The following THAP4 variants were observed in gnomAD, a reference collection of about 807,000 sequenced individuals.
THAP4 encodes the protein peroxynitrite isomerase THAP4.
Under a neutral mutation model 48.1 loss-of-function variants are expected in THAP4, and 18 were observed. The ratio of observed to expected loss-of-function variants is 0.37; its 90% confidence interval spans 0.26 to 0.56. THAP4 has a LOEUF of 0.56. THAP4 is among the 20% of genes least tolerant of loss of function. The pLI is 0.78. For missense variants in THAP4, 656 were observed against 774.9 expected (o/e 0.85, Z 1.82); for synonymous variants, 345 against 324.9 (o/e 1.06, Z -0.66).
At chr2:241,623,698 G>T (rs894487786) in intron 2 of THAP4, among the ~76,000 whole-genome samples, 1 of 151,708 alleles carries the variant, frequency 6.6e-6, no homozygotes, top group African/African-American at 2.4e-5. Context: ...GCTTAATAGA[G>T]CAGTATCATA....
intron 2 of THAP4, among the ~76,000 whole-genome samples, chr2:241,609,509 C>A (rs778739886): frequency 1.3e-5 from 2 of 152,142 alleles, no homozygotes; most frequent in South Asian, 2.1e-4. Flanking sequence ...TTGGGCCGGG[C>A]GCAATGGCTC....
At position 241,610,474 on chromosome 2, in the gene THAP4, G is replaced by A. The variant is rs1049807282; in HGVS notation, c.1241-4001C>T. Among the ~76,000 whole-genome samples, 31 of 152,216 alleles carry A rather than the reference G, an allele frequency of 2.0e-4. No individual in the cohort carries two copies. Among genetic ancestry groups the A allele is most frequent in the African/African-American group, 7.5e-4 (31 of 41,466 alleles). On this transcript the variant is annotated intron_variant, in intron 2 of 5. Coordinates refer to ENST00000407315, the MANE Select transcript of THAP4 (RefSeq NM_015963.6). The surrounding 1 kb of genome is among the most constrained non-coding windows in gnomAD (Gnocchi z 4.2). Reference sequence around the variant, plus strand: ...CGCTCACTGGCTGCCACCTCACCTAGCAGGCGTCACAGGGCTCACTCAAGA... The same window carrying A: ...CGCTCACTGGCTGCCACCTCACCTAACAGGCGTCACAGGGCTCACTCAAGA...
At chr2:241,622,234 G>A (rs1346391745) in intron 2 of THAP4, among the ~76,000 whole-genome samples, 3 of 152,092 alleles carry the variant, frequency 2.0e-5, no homozygotes, top group East Asian at 1.9e-4. Context: ...GGCTGGTGGC[G>A]GGCGCCTGTG....
intron 5 of THAP4, among the ~76,000 whole-genome samples, chr2:241,586,311 GAAGGGTCCCATCCCAGGAGT>G (rs922386772): frequency 2.7e-5 from 4 of 148,750 alleles, no homozygotes; most frequent in African/African-American, 7.4e-5. Context: ...TGGGGTCCCT[GAAGGGTCCCATCCCAGGAGT>G]AAGAGTTAAC....
intron 2 of THAP4, among the ~76,000 whole-genome samples, chr2:241,609,942 C>G (rs1230599334): frequency 3.3e-5 from 5 of 152,240 alleles, no homozygotes; most frequent in African/African-American, 1.2e-4. Flanking sequence ...TGCATGGGAG[C>G]TGAACCCTGT....
intron 2 of THAP4, among the ~76,000 whole-genome samples, chr2:241,608,934 G>A (rs1210529700): frequency 1.3e-5 from 2 of 152,212 alleles, no homozygotes; most frequent in Non-Finnish European, 2.9e-5. Context: ...AGAGACGGAG[G>A]TCCTGGGTAC....
chr2:241,636,912 G>A (rs749192954), intron 1 of THAP4, 29 bp downstream of exon 1: 1 of 1,208,776 alleles, frequency 8.3e-7, no homozygotes, highest in Non-Finnish European at 1.1e-6. Context: ...GGGTCGGGGC[G>A]GGGGCGTGGC....
rs1453385863 is a variant in THAP4 at position 241,610,412 on chromosome 2, T to C, written c.1241-3939A>G. On this transcript the variant is annotated intron_variant, in intron 2 of 5. Coordinates refer to ENST00000407315, the MANE Select transcript of THAP4 (RefSeq NM_015963.6). This position sits in a 1 kb window ranked among gnomAD's most constrained non-coding sequence, Gnocchi z 4.2. ...CCCTGTTTGGGGAGCGGCAGAGGAG[T>C]CAGGGCGGAGGCTGGGCGGCGCTGG... Among the ~76,000 whole-genome samples, 6 of 151,566 alleles carry C rather than the reference T, an allele frequency of 4.0e-5. No individual in the cohort carries two copies. Among genetic ancestry groups the C allele is most frequent in the Admixed American group, 1.3e-4 (2 of 15,246 alleles).
rs1159155878 is a variant in THAP4 at position 241,633,288 on chromosome 2, G to T, written c.869C>A (p.Thr290Asn). Reference sequence around the variant, plus strand: ...CTGGGAAGGCTTCTGCGGTGTCGCGGTAAGTGATGAGCTGGGAGGGCTCTG... The same window carrying T: ...CTGGGAAGGCTTCTGCGGTGTCGCGTTAAGTGATGAGCTGGGAGGGCTCTG... ...LAQSPPSSSL[T>N]ATPQKPSQSP... is the part of the protein sequence containing the mutation. The change falls in exon 2 of 6, where the codon ACC (threonine) becomes AAC (asparagine). Residue 290 changes from threonine to asparagine, a missense_variant. Around this residue, in one of 4 missense-constraint regions of THAP4, gnomAD observed 391 missense variants for 412.4 expected, o/e 0.95. Transcript: ENST00000407315. This position sits in a 1 kb window ranked among gnomAD's most constrained non-coding sequence, Gnocchi z 7.5. 2.5e-6 allele frequency: 4 copies of T among 1,611,956 alleles called. No individual in the cohort carries two copies. In the Admixed American group the frequency reaches 5.0e-5, roughly 20 times the overall value.
chr2:241,631,831 T>G (rs1315202519), intron 2 of THAP4, among the ~76,000 whole-genome samples: 3 of 152,270 alleles, frequency 2.0e-5, no homozygotes, highest in Non-Finnish European at 4.4e-5. Context: ...CAATAATTTT[T>G]TTACCACTTC....
chr2:241,628,331 C>T (rs955129886), intron 2 of THAP4, among the ~76,000 whole-genome samples: 1 of 151,882 alleles, frequency 6.6e-6, no homozygotes, highest in Non-Finnish European at 1.5e-5. Flanking sequence ...CCCTCCACCC[C>T]CACACTCACA....
In THAP4 at chr2:241,584,593, A is replaced by G. The variant is rs772653229; in HGVS notation, c.*13T>C. The G allele has an allele frequency of 1.2e-6, 2 of 1,613,900 alleles. No homozygotes were observed. The highest frequency in any genetic ancestry group is 1.7e-6 in the Non-Finnish European group (2 of 1,179,984). On this transcript the variant is annotated 3_prime_UTR_variant, in exon 6 of 6. Coordinates refer to ENST00000407315, the MANE Select transcript of THAP4 (RefSeq NM_015963.6). ...GTAGCCAGGCCCTCCCGAGGGCTCC[A>G]GAAGCTCTAGGTTTACGGGGTCACC... is the stretch of plus-strand genomic sequence containing the variant.
chr2:241,637,293 AC>A (rs899934861), upstream of THAP4: 9 of 1,128,256 alleles, frequency 8.0e-6, no homozygotes, highest in African/African-American at 1.5e-4. Flanking sequence ...AGGCGGGCAG[AC>A]GGGCGGGGGA....
intron 2 of THAP4, among the ~76,000 whole-genome samples, chr2:241,619,671 G>C (rs749118643): frequency 6.6e-6 from 1 of 152,222 alleles, no homozygotes; most frequent in African/African-American, 2.4e-5. Context: ...TGGTGAGTAA[G>C]TTGGTAAGTG....
At chr2:241,594,658 C>T (rs1055688611) in intron 5 of THAP4, 3 of 249,692 alleles carry the variant, frequency 1.2e-5, no homozygotes, top group Non-Finnish European at 2.4e-5. Flanking sequence ...CTTGGGAGGG[C>T]GAGGTGGGAG....
At chr2:241,597,106 G>C (rs966109896) in intron 5 of THAP4, among the ~76,000 whole-genome samples, 1 of 152,236 alleles carries the variant, frequency 6.6e-6, no homozygotes, top group African/African-American at 2.4e-5. Flanking sequence ...ATCATAAGTG[G>C]GGTCTGTCAG....
intron 2 of THAP4, among the ~76,000 whole-genome samples, chr2:241,618,849 T>C (rs184155563): frequency 6.6e-6 from 1 of 151,722 alleles, no homozygotes; most frequent in Non-Finnish European, 1.5e-5. Flanking sequence ...ACCTCATGTC[T>C]CTGGGATGAG....
At chr2:241,592,784 G>T (rs557566492) in intron 5 of THAP4, among the ~76,000 whole-genome samples, 1 of 152,184 alleles carries the variant, frequency 6.6e-6, no homozygotes, top group East Asian at 1.9e-4. Context: ...CGCTATGGCC[G>T]GCAGCATCAA....
intron 2 of THAP4, among the ~76,000 whole-genome samples, chr2:241,622,573 A>G (rs546612737): frequency 6.6e-6 from 1 of 152,130 alleles, no homozygotes; most frequent in African/African-American, 2.4e-5. Flanking sequence ...TCTTATTCTT[A>G]ATTGACCTAA....
Sources: gnomAD v4.1 joint callset for allele counts (sites outside exome capture counted in the v4.1 genomes callset) on GRCh38, gnomAD v4.1.1 for gene constraint, gnomAD v4.1.1 regional missense constraint, Gnocchi (gnomAD v3.1) non-coding constraint, MANE v1.5 for transcripts, NCBI Gene and HGNC (gene_info 2026-07-23, HGNC 2026-07-21) for gene names.